Variants in ZFAND6 observed in about 807,000 individuals in gnomAD.
ZFAND6 encodes AN1-type zinc finger protein 6.
Under a neutral mutation model 24.5 loss-of-function variants are expected in ZFAND6, and 12 were observed. The ratio of observed to expected loss-of-function variants is 0.49; its 90% CI spans 0.31 to 0.79. ZFAND6 has a LOEUF of 0.79. Ranked by LOEUF, ZFAND6 falls within the 30% of genes least tolerant of loss-of-function variation. ZFAND6 has a pLI of 0.04. For synonymous variants in ZFAND6, 92 were observed against 81.5 expected (o/e 1.13, Z -0.69); for missense variants, 207 against 245.9 (o/e 0.84, Z 1.06).
chr15:80,072,844 A>G (rs573375976), intron 1 of ZFAND6, among the ~76,000 whole-genome samples: 1 of 152,134 alleles, frequency 6.6e-6, no homozygotes, highest in African/African-American at 2.4e-5. Context: ...ACTTTCTCCT[A>G]TCATTATTTT....
At chr15:80,077,436 CT>C (rs1173207077) in intron 1 of ZFAND6, among the ~76,000 whole-genome samples, 1 of 152,080 alleles carries the variant, frequency 6.6e-6, no homozygotes, top group Non-Finnish European at 1.5e-5. Flanking sequence ...GCCATTCCCC[CT>C]CTAACATATT....
intron 1 of ZFAND6, among the ~76,000 whole-genome samples, chr15:80,092,512 C>T (rs576817496): frequency 6.6e-6 from 1 of 152,168 alleles, no homozygotes; most frequent in Non-Finnish European, 1.5e-5. Context: ...ATCAGTTATT[C>T]ATTGTTAACA....
intron 2 of ZFAND6, among the ~76,000 whole-genome samples, chr15:80,101,862 G>C (rs527889987): frequency 1.4e-5 from 2 of 143,708 alleles, no homozygotes; most frequent in African/African-American, 5.2e-5. Context: ...GTGCGATCTC[G>C]GCTCACTGCA....
At chr15:80,102,743 A>G (rs990128878) in intron 2 of ZFAND6, among the ~76,000 whole-genome samples, 1 of 152,154 alleles carries the variant, frequency 6.6e-6, no homozygotes, top group African/African-American at 2.4e-5. Context: ...ACTGATAATC[A>G]CTTTTACTTT....
intron 1 of ZFAND6, among the ~76,000 whole-genome samples, chr15:80,080,778 A>G (rs1488042244): frequency 6.6e-6 from 1 of 152,204 alleles, no homozygotes; most frequent in African/African-American, 2.4e-5. Flanking sequence ...ATCACTGCGG[A>G]AGCAAAGAGG....
chr15:80,086,098 G>C (rs2037985207), intron 1 of ZFAND6, among the ~76,000 whole-genome samples: 1 of 152,132 alleles, frequency 6.6e-6, no homozygotes, highest in Non-Finnish European at 1.5e-5. Context: ...GAGTGCAATG[G>C]CGCGATCTCA....
At position 80,131,185 on chromosome 15, in the gene ZFAND6, G is replaced by A. The variant is rs764948962; in HGVS notation, c.370G>A (p.Val124Ile). Reference protein sequence around the residue: ...VPETEDVQASVSDTAQQPSEE... With the variant: ...VPETEDVQASISDTAQQPSEE... ...CACCTTCGTATTTTTGTTAGCTTCA[G>A]TATCAGACACAGCACAGCAGCCATC... The change falls in exon 6 of 7, where the codon GTA (valine) becomes ATA (isoleucine). Residue 124 changes from valine to isoleucine, a missense_variant. Val to Ile is a conservative substitution (Grantham distance 29). Coordinates refer to ENST00000261749, the MANE Select transcript of ZFAND6 (RefSeq NM_019006.4). The A allele has an allele frequency of 1.3e-6, 2 of 1,577,974 alleles. No individual in the cohort carries two copies. Among genetic ancestry groups the A allele is most frequent in the African/African-American group, 2.7e-5 (2 of 73,738 alleles).
intron 5 of ZFAND6, among the ~76,000 whole-genome samples, chr15:80,123,899 C>T (rs1596309030): frequency 6.6e-6 from 1 of 152,218 alleles, no homozygotes; most frequent in Non-Finnish European, 1.5e-5. Context: ...ATTAAATAAA[C>T]AAATTTAAAT....
intron 1 of ZFAND6, among the ~76,000 whole-genome samples, chr15:80,083,092 C>T (rs1003762541): frequency 3.3e-5 from 5 of 152,034 alleles, no homozygotes; most frequent in East Asian, 1.9e-4. Flanking sequence ...CCTGGGTTCA[C>T]GCCATTCTCC....
chr15:80,134,657 G>T (rs1379667496), intron 6 of ZFAND6, among the ~76,000 whole-genome samples: 2 of 152,210 alleles, frequency 1.3e-5, no homozygotes, highest in Non-Finnish European at 2.9e-5. Context: ...AAGAAAGGTT[G>T]GGGGTTAAGG....
intron 2 of ZFAND6, among the ~76,000 whole-genome samples, chr15:80,103,964 A>T (rs35863112): frequency 6.6e-6 from 1 of 151,812 alleles, no homozygotes; most frequent in African/African-American, 2.4e-5. Flanking sequence ...TTCTCCCACC[A>T]TAGGCTCCTG....
chr15:80,068,697 ATCTG>A lies in ZFAND6; in HGVS notation c.-181+8893_-181+8896del. Among the ~76,000 whole-genome samples, 2 of 152,298 alleles carry A rather than the reference ATCTG, an allele frequency of 1.3e-5. 1 individual carries two copies. Among genetic ancestry groups the A allele is most frequent in the South Asian group, 4.1e-4 (2 of 4,824 alleles). ...GGTCTTGAACTTTAGAGCTCAAGTA[ATCTG>A]TCTGCCTTGGCCTCTGAAAGTCTTG... On this transcript the variant is annotated intron_variant, in intron 1 of 6. Transcript: ENST00000261749.
chr15:80,134,410 G>A (rs993509744), intron 6 of ZFAND6, among the ~76,000 whole-genome samples: 8 of 152,220 alleles, frequency 5.3e-5, no homozygotes, highest in African/African-American at 1.9e-4. Flanking sequence ...CAGCCTCTAG[G>A]TCAGGGGTCG....
chr15:80,087,021 C>T (rs1328188740), intron 1 of ZFAND6, among the ~76,000 whole-genome samples: 3 of 152,098 alleles, frequency 2.0e-5, no homozygotes, highest in Non-Finnish European at 4.4e-5. Context: ...TGGAATAATA[C>T]TCTCTATATA....
intron 2 of ZFAND6, among the ~76,000 whole-genome samples, chr15:80,100,717 T>G (rs1403251): frequency 0.034 from 5,158 of 152,296 alleles, 278 homozygotes; most frequent in East Asian, 0.22. Flanking sequence ...GCTTAGATTT[T>G]TAAATGTATT....
At chr15:80,111,697 T>A (rs566682195) in intron 2 of ZFAND6, 84 of 283,216 alleles carry the variant, frequency 3.0e-4, no homozygotes, top group South Asian at 2.7e-3. Flanking sequence ...TACCACTTTG[T>A]GCTGTGGTAC....
At chr15:80,105,346 T>C (rs2039266055) in intron 2 of ZFAND6, among the ~76,000 whole-genome samples, 1 of 152,188 alleles carries the variant, frequency 6.6e-6, no homozygotes, top group South Asian at 2.1e-4. Context: ...TCCTAACAGG[T>C]GATTACTGTC....
chr15:80,093,981 T>C (rs555441049), intron 1 of ZFAND6, among the ~76,000 whole-genome samples: 1 of 149,576 alleles, frequency 6.7e-6, no homozygotes, highest in African/African-American at 2.6e-5. Flanking sequence ...GCACTTACAT[T>C]TGGTATTTTA....
chr15:80,112,434 G>A (rs2039656258), intron 2 of ZFAND6, among the ~76,000 whole-genome samples: 1 of 152,040 alleles, frequency 6.6e-6, no homozygotes, highest in Admixed American at 6.5e-5. Context: ...GTCTTGCTCT[G>A]TTGCCCAGGC....
Sources: gnomAD v4.1 joint callset for allele counts (sites outside exome capture counted in the v4.1 genomes callset) on GRCh38, gnomAD v4.1.1 for gene constraint, MANE v1.5 for transcripts, NCBI Gene and HGNC (gene_info 2026-07-23, HGNC 2026-07-21) for gene names.